Variants in SMARCA5 observed in about 807,000 individuals in gnomAD.
SMARCA5 encodes the protein SWI/SNF-related matrix-associated actin-dependent regulator of chromatin subfamily A member 5.
In SMARCA5, 18 loss-of-function variants were observed where a neutral mutation model predicts 140.4. That is an observed-to-expected ratio of 0.13 (90% CI 0.09 to 0.19). The LOEUF is 0.19. SMARCA5 is among the 10% of genes least tolerant of loss of function. SMARCA5 has a pLI of 1.00. For synonymous variants in SMARCA5, 449 were observed against 419.6 expected, an observed-to-expected ratio of 1.07 and a Z score of -0.86; for missense variants, 606 against 1,276.8, an observed-to-expected ratio of 0.47 and a Z score of 8.01.
In SMARCA5 at chr4:143,546,064, G is replaced by A. The variant is rs368107518; in HGVS notation, c.2520+17G>A. ...CTAACACAGGTATAGCCTTTAATCA[G>A]TACAAACTTTAGTAACAGTTTGTTG... On this transcript the variant is annotated intron_variant, in intron 19 of 23. Transcript: ENST00000283131. The A allele has an allele frequency of 7.1e-5, 110 of 1,557,976 alleles. No individual in the cohort carries two copies. The highest frequency in any genetic ancestry group is 2.1e-4 in the Admixed American group (10 of 46,528).
At chr4:143,529,202 T>C (rs560320893) in intron 8 of SMARCA5, among the ~76,000 whole-genome samples, 74 of 152,320 alleles carry the variant, frequency 4.9e-4, no homozygotes, top group African/African-American at 1.7e-3. Flanking sequence ...CCCAAAGTGC[T>C]GGGATTACAG....
chr4:143,514,208 C>G, intron 1 of SMARCA5, 107 bp downstream of exon 1: 1 of 1,031,606 alleles, frequency 9.7e-7, no homozygotes, highest in Non-Finnish European at 1.4e-6. Flanking sequence ...CTCTCTGCAC[C>G]AGACTCAGCT....
chr4:143,555,067 G>GT lies in SMARCA5; in HGVS notation c.*1886dup, dbSNP rs1737719859. 1.2e-5 allele frequency: 7 copies of GT among 586,144 alleles called. No individual in the cohort carries two copies. The highest frequency in any genetic ancestry group is 1.9e-5 in the Non-Finnish European group (6 of 313,014). The allele number at this position is 586,144 out of a possible 1,614,324, so 36.3% of individuals were successfully genotyped here. ...GGCTTTCCTCTCCCGCTAAGCTTTTGTTTCCTGGCAGTAATTAAAATCTTC... is the reference window on the plus strand; with the variant it reads ...GGCTTTCCTCTCCCGCTAAGCTTTTGTTTTCCTGGCAGTAATTAAAATCTTC... On this transcript the variant is annotated 3_prime_UTR_variant, in exon 24 of 24. Coordinates refer to ENST00000283131, the MANE Select transcript of SMARCA5 (RefSeq NM_003601.4).
At chr4:143,550,200 G>C (rs2149825659) in intron 23 of SMARCA5, 96 bp downstream of exon 23, 1 of 519,270 alleles carries the variant, frequency 1.9e-6, no homozygotes, top group South Asian at 2.4e-5. Context: ...GTTAGTCCCT[G>C]TTGTGCACCC....
In SMARCA5 at chr4:143,543,902, G is replaced by C; in HGVS notation, c.2102G>C (p.Arg701Thr). ...TCCAAGATGGGCGAAAGTTCACTTA[G>C]AAACTTTACAATGGATACAGAGTCA... ...KLSKMGESSL[R>T]NFTMDTESSV... The change falls in exon 16 of 24, where the codon AGA becomes ACA. Residue 701 changes from arginine (R) to threonine (T), a missense_variant. Physicochemically the swap from Arg to Thr is moderately conservative, Grantham distance 71 (BLOSUM62 -1). Transcript: ENST00000283131. The C allele has an allele frequency of 6.2e-7, 1 of 1,609,926 alleles. No individual in the cohort carries two copies. The highest frequency in any genetic ancestry group is 8.5e-7 in the Non-Finnish European group (1 of 1,177,432).
rs11100792 is a variant in SMARCA5, at chr4:143,555,023, A to G, written c.*1839A>G. On this transcript the variant is annotated 3_prime_UTR_variant, in exon 24 of 24. Transcript: ENST00000283131. ...GTTCACAAATCTGTTTTAACCTGTC[A>G]CTTCCCTGTCACTTCTCTGGCTTTC... The G allele has an allele frequency of 0.99, 513,892 of 517,842 alleles. 255,110 individuals carry two copies. Among genetic ancestry groups the G allele is most frequent in the East Asian group, 1 (20,748 of 20,750 alleles). 32.1% of individuals were successfully genotyped at this position (517,842 alleles called of 1,614,324 possible). A position where few individuals can be genotyped will look rare whatever the true frequency, so the allele number is the denominator to read the frequency against.
At chr4:143,524,820 A>AT (rs1257015998) in intron 4 of SMARCA5, among the ~76,000 whole-genome samples, 5 of 152,152 alleles carry the variant, frequency 3.3e-5, no homozygotes, top group Non-Finnish European at 1.5e-5. Context: ...TATTAATTTA[A>AT]TTTTTTGTGA....
intron 8 of SMARCA5, among the ~76,000 whole-genome samples, chr4:143,529,864 A>G (rs1737150742): frequency 6.6e-6 from 1 of 152,214 alleles, no homozygotes; most frequent in Admixed American, 6.5e-5. Context: ...TTTTGAGATA[A>G]TTCCTGTTTC....
intron 17 of SMARCA5, 41 bp downstream of exon 17, chr4:143,544,888 G>T: frequency 9.7e-7 from 1 of 1,030,058 alleles, no homozygotes. Context: ...TAAAAATTTT[G>T]AAAATGTAAT....
At chr4:143,517,172 C>T (rs183546141) in intron 1 of SMARCA5, among the ~76,000 whole-genome samples, 183 bp from the exon 2 acceptor site, 8 of 152,182 alleles carry the variant, frequency 5.3e-5, no homozygotes, top group Admixed American at 4.6e-4. Context: ...ACGTTGTTAT[C>T]CCCATAGTAT....
chr4:143,533,698 G>A (rs4690723), intron 9 of SMARCA5, among the ~76,000 whole-genome samples: 84,132 of 151,594 alleles, frequency 0.55, 23,668 homozygotes, highest in Middle Eastern at 0.66. Context: ...TAATAGAGAC[G>A]GGGTTTCACC....
intron 11 of SMARCA5, among the ~76,000 whole-genome samples, chr4:143,538,217 A>G (rs1417099880): frequency 6.6e-6 from 1 of 152,176 alleles, no homozygotes; most frequent in African/African-American, 2.4e-5. Flanking sequence ...GGCTGAGACC[A>G]GGATTATTAG....
intron 2 of SMARCA5, 103 bp from the exon 3 acceptor site, chr4:143,521,323 CTTT>C: frequency 1.0e-5 from 6 of 586,292 alleles, no homozygotes; most frequent in South Asian, 2.6e-5. Flanking sequence ...CTGTAGTTCT[CTTT>C]TTTTTTTTGC....
Position 143,521,517 on chromosome 4 carries a change from C to A in SMARCA5, c.341C>A (p.Pro114Gln), listed in dbSNP as rs1203782330. The A allele has an allele frequency of 1.9e-6, 3 of 1,613,256 alleles. No homozygotes were observed. Among genetic ancestry groups the A allele is most frequent in the Non-Finnish European group, 2.5e-6 (3 of 1,179,670 alleles). ...HFIQPAAQKT[P>Q]TSPLKMKPGR... ...ATTCAACCTGCTGCTCAGAAGACTC[C>A]AACTTCACCTTTGAAGATGAAACCA... Residue 114 changes from proline to glutamine, a missense_variant, in exon 3 of 24, where the codon CCA becomes CAA. By Grantham distance (76) the Pro-to-Gln change is moderately conservative (BLOSUM62 -1). Coordinates refer to ENST00000283131, the MANE Select transcript of SMARCA5 (RefSeq NM_003601.4).
chr4:143,546,725 T>C, intron 19 of SMARCA5, 51 bp from the exon 20 acceptor site: 1 of 1,544,308 alleles, frequency 6.5e-7, no homozygotes, highest in Non-Finnish European at 8.8e-7. Context: ...ATAGCATGTT[T>C]TCCAAGTTTA....
chr4:143,530,500 CA>C lies in SMARCA5; in HGVS notation c.1137del (p.Lys379AsnfsTer2). 6.2e-7 allele frequency: 1 copy of C among 1,611,318 alleles called. No homozygotes were observed. The highest frequency in any genetic ancestry group is 1.1e-5 in the South Asian group (1 of 90,738). On this transcript the variant is annotated frameshift_variant, in exon 9 of 24. Transcript: ENST00000283131. LOFTEE classifies it high-confidence loss of function. ...WFDTNNCLGD[Q>X]KLVERLHMVL... ...TGATACAAACAACTGCCTTGGGGAT[CA>C]AAAACTAGTTGAGAGGCTTCATATG... is the stretch of plus-strand genomic sequence containing the variant.
chr4:143,525,360 TAA>T (rs1032595540), intron 4 of SMARCA5, 89 bp from the exon 5 acceptor site: 10 of 796,146 alleles, frequency 1.3e-5, no homozygotes, highest in Non-Finnish European at 2.0e-5. Context: ...GTAATGAAAA[TAA>T]AGTCAGTAGA....
chr4:143,529,746 TG>T (rs764837791), intron 8 of SMARCA5, among the ~76,000 whole-genome samples: 1 of 152,210 alleles, frequency 6.6e-6, no homozygotes, highest in African/African-American at 2.4e-5. Context: ...TAATTAATTT[TG>T]TTTTTTTTCT....
chr4:143,543,855 T>G lies in SMARCA5; in HGVS notation c.2055T>G (p.Thr685=), dbSNP rs192206120. The change falls in exon 16 of 24, where the codon ACT becomes ACG. Residue 685 remains threonine, a splice_region_variant and synonymous_variant. Transcript: ENST00000283131. ...DGILERGAKK[T]AEMNEKLSKM... is the part of the protein sequence containing the mutation. Reference sequence around the variant, plus strand: ...AAGCTGATTGTTTTGTTCTCTAGACTGCAGAGATGAATGAAAAGCTCTCCA... The same window carrying G: ...AAGCTGATTGTTTTGTTCTCTAGACGGCAGAGATGAATGAAAAGCTCTCCA... 2.7e-5 allele frequency: 44 copies of G among 1,606,550 alleles called. No individual in the cohort carries two copies. In the East Asian group the frequency reaches 9.8e-4, roughly 36 times the overall value.
Sources: gnomAD v4.1 joint callset for allele counts (sites outside exome capture counted in the v4.1 genomes callset) on GRCh38, gnomAD v4.1.1 for gene constraint, MANE v1.5 for transcripts, NCBI Gene and HGNC (gene_info 2026-07-23, HGNC 2026-07-21) for gene names.